SLC35F4: variants seen among roughly 807,000 people sequenced by gnomAD.
SLC35F4 encodes the protein chromosome 14 open reading frame 36.
SLC35F4 carries 24 observed loss-of-function variants against 44.2 expected under a neutral mutation model. The ratio of observed to expected loss-of-function variants is 0.54; its 90% CI spans 0.39 to 0.76. The LOEUF (loss-of-function observed/expected upper bound fraction) is 0.76. Ranked by LOEUF, SLC35F4 falls within the 30% of genes least tolerant of loss-of-function variation. The probability of loss-of-function intolerance (pLI) is 0.00; values close to 1 mark genes in which losing one functional copy is unlikely to be tolerated. For synonymous variants in SLC35F4, 238 were observed against 223.6 expected (o/e 1.06, Z -0.57); for missense variants, 562 against 586.1 (o/e 0.96, Z 0.42).
chr14:57,568,813 T>C (rs1025511179), intron 6 of SLC35F4, among the ~76,000 whole-genome samples: 2 of 151,738 alleles, frequency 1.3e-5, no homozygotes, highest in Admixed American at 6.6e-5. Flanking sequence ...AAATGTGGAG[T>C]GGGCAGAGGG....
In SLC35F4 at chr14:57,888,864, T is replaced by C. The variant is rs147377498; in HGVS notation, n.282+93049A>G. Among the ~76,000 whole-genome samples the C allele has an allele frequency of 1.6e-3, 240 of 152,324 alleles. 1 individual carries two copies. Among genetic ancestry groups the C allele is most frequent in the East Asian group, 0.015 (77 of 5,186 alleles). ...TTAAAGTATCACAAATTTAATAACATCCATATTATGACATATTGAAAATAT... is the reference window on the plus strand; with the variant it reads ...TTAAAGTATCACAAATTTAATAACACCCATATTATGACATATTGAAAATAT... On this transcript the variant is annotated intron_variant and non_coding_transcript_variant, in intron 1 of 1. Coordinates refer to the SLC35F4 transcript ENST00000556568.
chr14:57,870,124 C>G (rs1246029367), upstream of SLC35F4, among the ~76,000 whole-genome samples: 3 of 146,080 alleles, frequency 2.1e-5, no homozygotes, highest in Non-Finnish European at 4.6e-5. Flanking sequence ...TGTCTATGAT[C>G]TGTGTGTGTG....
At chr14:57,740,725 C>T (rs2076584882) in intron 1 of SLC35F4, among the ~76,000 whole-genome samples, 1 of 152,194 alleles carries the variant, frequency 6.6e-6, no homozygotes. Flanking sequence ...TTGATATTTA[C>T]AGATCATATG....
At chr14:57,926,266 G>T (rs1056678014) in intron 1 of SLC35F4, among the ~76,000 whole-genome samples, 1 of 152,182 alleles carries the variant, frequency 6.6e-6, no homozygotes, top group African/African-American at 2.4e-5. Context: ...TGTTCAGCAC[G>T]TGCTCTACAA....
upstream of SLC35F4, among the ~76,000 whole-genome samples, chr14:57,983,108 T>A (rs941618738): frequency 6.6e-6 from 1 of 152,220 alleles, no homozygotes; most frequent in African/African-American, 2.4e-5. Flanking sequence ...CACCAAGGCA[T>A]CAGCCTTTTG....
chr14:57,815,007 G>A (rs1282123160), intron 1 of SLC35F4, among the ~76,000 whole-genome samples: 1 of 152,160 alleles, frequency 6.6e-6, no homozygotes, highest in African/African-American at 2.4e-5. Flanking sequence ...TTGTAAATAA[G>A]ATTTCATTGA....
intron 1 of SLC35F4, among the ~76,000 whole-genome samples, chr14:57,656,028 T>A (rs920313152): frequency 3.9e-5 from 6 of 151,962 alleles, no homozygotes; most frequent in Non-Finnish European, 4.4e-5. Flanking sequence ...GCTGATCCTG[T>A]CACCCTCCTG....
intron 1 of SLC35F4, among the ~76,000 whole-genome samples, chr14:57,805,658 C>A (rs1323679334): frequency 3.9e-5 from 6 of 152,018 alleles, no homozygotes; most frequent in Non-Finnish European, 7.4e-5. Flanking sequence ...TCAGGAAGAA[C>A]AGCTAATGGA....
At position 57,581,213 on chromosome 14, in the gene SLC35F4, C is replaced by T. The variant is rs2069229234; in HGVS notation, c.807+1G>A. On this transcript the variant is annotated splice_donor_variant, in intron 4 of 7. Transcript: ENST00000556826. LOFTEE classifies it high-confidence loss of function. ...GCGCATTGAATCAAGTATGCCATTA[C>T]CCTCACTCCCATGAACCTGTCTTTC... is the stretch of plus-strand genomic sequence containing the variant. 6.4e-7 allele frequency: 1 copy of T among 1,550,712 alleles called. No individual in the cohort carries two copies. The highest frequency in any genetic ancestry group is 2.3e-5 in the East Asian group (1 of 43,888).
intron 1 of SLC35F4, among the ~76,000 whole-genome samples, chr14:57,647,704 TG>T (rs958113127): frequency 3.3e-5 from 5 of 152,314 alleles, no homozygotes; most frequent in African/African-American, 1.2e-4. Context: ...TAGACCCATC[TG>T]TGTTCTTCCT....
At chr14:57,706,379 T>C (rs775141822) in intron 1 of SLC35F4, among the ~76,000 whole-genome samples, 5 of 152,148 alleles carry the variant, frequency 3.3e-5, no homozygotes, top group Non-Finnish European at 7.4e-5. Context: ...AAATTGGACA[T>C]GTTTCTGAGA....
At chr14:57,654,103 C>G (rs1408566748) in intron 1 of SLC35F4, among the ~76,000 whole-genome samples, 1 of 152,122 alleles carries the variant, frequency 6.6e-6, no homozygotes, top group African/African-American at 2.4e-5. Context: ...ACCCATTCTA[C>G]TCATCCAGTA....
intron 1 of SLC35F4, among the ~76,000 whole-genome samples, chr14:57,748,865 C>G (rs1403471621): frequency 6.6e-6 from 1 of 152,162 alleles, no homozygotes; most frequent in Non-Finnish European, 1.5e-5. Flanking sequence ...AAAGTTTAGA[C>G]TGTAAATTCC....
At chr14:57,725,723 T>C (rs1307634842) in intron 1 of SLC35F4, among the ~76,000 whole-genome samples, 1 of 152,106 alleles carries the variant, frequency 6.6e-6, no homozygotes, top group Admixed American at 6.5e-5. Context: ...GCCAACTAGG[T>C]GACAATACTT....
rs533649372 is a variant in SLC35F4 at position 57,642,119 on chromosome 14, G to A, written c.104-47995C>T. Among the ~76,000 whole-genome samples the A allele has an allele frequency of 1.1e-4, 16 of 152,076 alleles. 1 individual carries two copies. The South Asian group carries it at 3.1e-3, about 30-fold the overall frequency. Reference sequence around the variant, plus strand: ...CCTTATTTTATTACTTTGTCCCACAGTTGCCCATTAATAAATAAAATAGCA... The same window carrying A: ...CCTTATTTTATTACTTTGTCCCACAATTGCCCATTAATAAATAAAATAGCA... On this transcript the variant is annotated intron_variant, in intron 1 of 7. Transcript: ENST00000556826.
intron 1 of SLC35F4, among the ~76,000 whole-genome samples, chr14:57,920,941 T>C (rs528607802): frequency 2.0e-5 from 3 of 152,240 alleles, no homozygotes; most frequent in South Asian, 4.2e-4. Context: ...TTATAACAAA[T>C]GAACAGTGAT....
chr14:57,710,301 G>A (rs1813648333), intron 1 of SLC35F4, among the ~76,000 whole-genome samples: 1 of 152,208 alleles, frequency 6.6e-6, no homozygotes, highest in Non-Finnish European at 1.5e-5. Context: ...CAAGAATTGA[G>A]CTTTTGGAAC....
At chr14:57,807,920 G>A (rs1881525723) in intron 1 of SLC35F4, among the ~76,000 whole-genome samples, 1 of 151,746 alleles carries the variant, frequency 6.6e-6, no homozygotes, top group African/African-American at 2.4e-5. Context: ...CAAAGGAGGA[G>A]CAAAGGCATG....
rs116892475 is a variant in SLC35F4, at chr14:57,810,797, C to T, written c.103+54926G>A. On this transcript the variant is annotated intron_variant, in intron 1 of 7. Transcript: ENST00000556826. ...TTAGCTAGTCTCAAAGAAAAAGGCT[C>T]ATTCTACCCCATATAGGAGTGAAAG... Among the ~76,000 whole-genome samples the T allele has an allele frequency of 8.9e-4, 135 of 152,322 alleles. No individual in the cohort carries two copies. In the Middle Eastern group the frequency reaches 0.01, roughly 12 times the overall value.
Sources: allele counts gnomAD v4.1 joint callset (sites outside exome capture counted in the v4.1 genomes callset), GRCh38; gene constraint gnomAD v4.1.1; transcripts MANE v1.5; gene names NCBI Gene and HGNC (gene_info 2026-07-23, HGNC 2026-07-21).